Variants in PICALM observed in about 807,000 individuals in gnomAD.
PICALM encodes the protein phosphatidylinositol binding clathrin assembly protein.
A neutral mutation model predicts 80.5 loss-of-function variants in PICALM; 40 were observed. The ratio of observed to expected loss-of-function variants is 0.50; its 90% CI spans 0.39 to 0.65. PICALM has a LOEUF of 0.65. Among genes scored for constraint, PICALM ranks in the 30% least tolerant of loss-of-function variants. The pLI is 0.00. For missense variants in PICALM, 676 were observed against 778.9 expected (o/e 0.87, Z 1.57); for synonymous variants, 288 against 260.3 (o/e 1.11, Z -1.02).
chr11:86,039,110 C>CAA (rs11443601), intron 1 of PICALM, among the ~76,000 whole-genome samples: 6,752 of 144,566 alleles, frequency 0.047, 465 homozygotes, highest in African/African-American at 0.15. Context: ...GACTCTATCT[C>CAA]AAAAAAAAAA....
At chr11:86,058,460 G>A (rs2096304019) in intron 1 of PICALM, among the ~76,000 whole-genome samples, 1 of 152,060 alleles carries the variant, frequency 6.6e-6, no homozygotes. Flanking sequence ...TAAGACTTGG[G>A]TCCCTAGGAT....
At chr11:86,067,524 C>G (rs1272253139) in intron 1 of PICALM, among the ~76,000 whole-genome samples, 1 of 152,128 alleles carries the variant, frequency 6.6e-6, no homozygotes, top group East Asian at 1.9e-4. Context: ...GTTAGCTCTA[C>G]TAATTGTATC....
At chr11:85,985,916 T>C (rs1178873361) in intron 13 of PICALM, among the ~76,000 whole-genome samples, 1 of 152,190 alleles carries the variant, frequency 6.6e-6, no homozygotes, top group East Asian at 1.9e-4. Flanking sequence ...ATATGATTGA[T>C]ATAAGAGATA....
At chr11:86,063,029 T>G (rs1350450457) in intron 1 of PICALM, among the ~76,000 whole-genome samples, 1 of 152,134 alleles carries the variant, frequency 6.6e-6, no homozygotes, top group Non-Finnish European at 1.5e-5. Flanking sequence ...TTATTTTAAG[T>G]GAGAAACCAT....
chr11:86,068,180 A>G (rs929592725), intron 1 of PICALM, among the ~76,000 whole-genome samples: 2 of 152,194 alleles, frequency 1.3e-5, no homozygotes, highest in African/African-American at 4.8e-5. Context: ...GCCCGGAGGG[A>G]TAACAAGGAT....
intron 16 of PICALM, 139 bp downstream of exon 16, chr11:85,981,606 C>CA (rs1178283265): frequency 0.042 from 22,854 of 539,708 alleles, 3 homozygotes; most frequent in East Asian, 0.06. Context: ...GACTCCGTGT[C>CA]AAAAAAAAAA....
intron 1 of PICALM, among the ~76,000 whole-genome samples, chr11:86,068,245 C>A (rs1230564141): frequency 6.6e-6 from 1 of 152,132 alleles, no homozygotes; most frequent in African/African-American, 2.4e-5. Context: ...GATGAAGAAA[C>A]AATGGGGCTT....
intron 14 of PICALM, among the ~76,000 whole-genome samples, chr11:85,983,584 A>G (rs2094500798): frequency 6.6e-6 from 1 of 152,188 alleles, no homozygotes; most frequent in South Asian, 2.1e-4. Context: ...ACATCTACAC[A>G]TAGTCACAAG....
At chr11:85,962,528 G>A (rs2093723632) in intron 19 of PICALM, among the ~76,000 whole-genome samples, 1 of 152,140 alleles carries the variant, frequency 6.6e-6, no homozygotes, top group African/African-American at 2.4e-5. Flanking sequence ...GAAGAATACG[G>A]AAGAGACAAA....
rs2094549585 is a variant in PICALM, at chr11:85,985,534, GA to G, written c.1409-1562del. Reference sequence around the variant, plus strand: ...AGAACACAAAACACTATCAAAATACGAAATAATTTAGTATATAAATCTTCTG... The same window carrying G: ...AGAACACAAAACACTATCAAAATACGAATAATTTAGTATATAAATCTTCTG... On this transcript the variant is annotated intron_variant, in intron 13 of 19. Transcript: ENST00000393346. Among the ~76,000 whole-genome samples, 3 of 152,104 alleles carry G rather than the reference GA, an allele frequency of 2.0e-5. No homozygotes were observed. The South Asian group carries it at 6.2e-4, about 31-fold the overall frequency.
chr11:86,027,120 A>G (rs979749094), intron 2 of PICALM, among the ~76,000 whole-genome samples: 3 of 152,242 alleles, frequency 2.0e-5, no homozygotes, highest in Admixed American at 6.5e-5. Context: ...TAATGAATAC[A>G]TCATCATAAA....
intron 1 of PICALM, among the ~76,000 whole-genome samples, chr11:86,058,487 T>C (rs774180436): frequency 2.6e-5 from 4 of 152,188 alleles, no homozygotes; most frequent in Non-Finnish European, 5.9e-5. Context: ...AAGTAATAAG[T>C]TCATGGCTAT....
Position 85,958,165 on chromosome 11 carries a change from G to A in PICALM, c.*881C>T. The A allele has an allele frequency of 4.4e-6, 1 of 225,276 alleles. No individual in the cohort carries two copies. The highest frequency in any genetic ancestry group is 6.4e-5 in the East Asian group (1 of 15,576). 14.0% of individuals were successfully genotyped at this position (225,276 alleles called of 1,614,324 possible). ...GACATGCCAAGCACAAAGCAGTAAA[G>A]ATCCTTCCCAATGCACTAATGCTGA... On this transcript the variant is annotated 3_prime_UTR_variant, in exon 20 of 20. Coordinates refer to ENST00000393346, the MANE Select transcript of PICALM (RefSeq NM_007166.4).
At chr11:85,979,526 TG>T (rs2094378998) in intron 17 of PICALM, among the ~76,000 whole-genome samples, 1 of 150,130 alleles carries the variant, frequency 6.7e-6, no homozygotes, top group Non-Finnish European at 1.5e-5. Context: ...AAATTAGTGA[TG>T]GCAATGAACA....
intron 18 of PICALM, 54 bp downstream of exon 18, chr11:85,976,569 T>A: frequency 1.1e-5 from 12 of 1,051,608 alleles, no homozygotes; most frequent in Non-Finnish European, 1.8e-5. Context: ...AATAAAAACA[T>A]GTTATATATG....
intron 17 of PICALM, among the ~76,000 whole-genome samples, chr11:85,979,240 A>C (rs1279446458): frequency 1.3e-5 from 2 of 152,216 alleles, no homozygotes; most frequent in African/African-American, 4.8e-5. Context: ...CTGTAATCCC[A>C]GCACTCTGGG....
intron 1 of PICALM, among the ~76,000 whole-genome samples, chr11:86,048,744 A>G (rs2096122528): frequency 1.3e-5 from 2 of 151,584 alleles, no homozygotes; most frequent in South Asian, 4.2e-4. Flanking sequence ...AGGCAGGAGA[A>G]TCGCTTGAAC....
At chr11:85,982,103 G>GA (rs2094456758) in intron 14 of PICALM, 100 bp from the exon 15 acceptor site, 1 of 1,063,694 alleles carries the variant, frequency 9.4e-7, no homozygotes, top group South Asian at 1.4e-5. Flanking sequence ...TTATTCACTG[G>GA]AAAAGTTATC....
chr11:86,063,199 CAG>C (rs2096395286), intron 1 of PICALM, among the ~76,000 whole-genome samples: 1 of 152,070 alleles, frequency 6.6e-6, no homozygotes, highest in South Asian at 2.1e-4. Context: ...TTTAAACAAT[CAG>C]TGTTTTTTAA....
Sources: allele counts gnomAD v4.1 joint callset (sites outside exome capture counted in the v4.1 genomes callset), GRCh38; gene constraint gnomAD v4.1.1; transcripts MANE v1.5; gene names NCBI Gene and HGNC (gene_info 2026-07-23, HGNC 2026-07-21).